Variants in CRYBG3 observed in about 807,000 individuals in gnomAD.
The protein encoded by CRYBG3 is very large A-kinase anchor protein.
A neutral mutation model predicts 244.2 loss-of-function variants in CRYBG3; 127 were observed. That is an observed-to-expected ratio of 0.52 (90% CI 0.45 to 0.60). The LOEUF (loss-of-function observed/expected upper bound fraction) is 0.60. Among genes scored for constraint, CRYBG3 ranks in the 20% least tolerant of loss-of-function variants. The pLI is 0.00. For missense variants in CRYBG3, 3,325 were observed against 3,442.5 expected, an observed-to-expected ratio of 0.97 and a Z score of 0.85; for synonymous variants, 1,132 against 1,195.8, an observed-to-expected ratio of 0.95 and a Z score of 1.10.
chr3:97,938,818 A>G (rs1028822080), intron 19 of CRYBG3, among the ~76,000 whole-genome samples: 4 of 151,936 alleles, frequency 2.6e-5, no homozygotes, highest in Non-Finnish European at 4.4e-5. Flanking sequence ...ATTATTCACA[A>G]TGTCCCTTGA....
At chr3:97,908,891 G>C (rs1195305306) in intron 15 of CRYBG3, among the ~76,000 whole-genome samples, 2 of 152,172 alleles carry the variant, frequency 1.3e-5, no homozygotes, top group Non-Finnish European at 1.5e-5. Flanking sequence ...GGTACTGGTT[G>C]TTCCTTTCCA....
intron 16 of CRYBG3, among the ~76,000 whole-genome samples, chr3:97,915,368 G>A (rs1348408113): frequency 6.6e-6 from 1 of 152,092 alleles, no homozygotes; most frequent in Non-Finnish European, 1.5e-5. Flanking sequence ...CTAACTCATA[G>A]AATTATTAAG....
chr3:97,939,762 T>G (rs1258770631), intron 19 of CRYBG3, among the ~76,000 whole-genome samples: 1 of 152,108 alleles, frequency 6.6e-6, no homozygotes, highest in Non-Finnish European at 1.5e-5. Context: ...TTAAGTACAC[T>G]ACTGTTGCAT....
intron 8 of CRYBG3, 62 bp from the exon 9 acceptor site, chr3:97,888,279 A>T: frequency 1.0e-6 from 1 of 994,222 alleles, no homozygotes; most frequent in Non-Finnish European, 1.5e-6. Context: ...AGCCCTTTTT[A>T]CTTACAGAAC....
intron 16 of CRYBG3, among the ~76,000 whole-genome samples, chr3:97,912,506 C>T (rs1409203969): frequency 6.6e-6 from 1 of 152,122 alleles, no homozygotes; most frequent in Non-Finnish European, 1.5e-5. Flanking sequence ...TGATTTTTGT[C>T]TCTCACTGTG....
At chr3:97,901,263 C>T (rs192151953) in intron 15 of CRYBG3, among the ~76,000 whole-genome samples, 41 of 152,196 alleles carry the variant, frequency 2.7e-4, no homozygotes, top group African/African-American at 7.0e-4. Context: ...GACATTGTTT[C>T]GTTTTATTTT....
Position 97,875,866 on chromosome 3 carries a change from AT to A in CRYBG3, c.4674del (p.Leu1559Ter). ...KTNKKDAELN[I>X]LKYEAVPPMI... is the part of the protein sequence containing the mutation. ...AAACAAAAAGGATGCTGAATTGAAT[AT>A]TCTGAAATATGAGGCAGTCCCTCCT... On this transcript the variant is annotated frameshift_variant, in exon 4 of 22. Transcript: ENST00000389622. LOFTEE classifies it high-confidence loss of function. The A allele has an allele frequency of 8.1e-7, 1 of 1,232,006 alleles. No homozygotes were observed. Among genetic ancestry groups the A allele is most frequent in the East Asian group, 3.2e-5 (1 of 31,694 alleles). The allele number at this position is 1,232,006 out of a possible 1,614,324, so 76.3% of individuals were successfully genotyped here. A position where few individuals can be genotyped will look rare whatever the true frequency, so the allele number is the denominator to read the frequency against.
intron 3 of CRYBG3, among the ~76,000 whole-genome samples, chr3:97,869,180 T>C (rs1163567979): frequency 6.6e-6 from 1 of 152,186 alleles, no homozygotes; most frequent in East Asian, 1.9e-4. Flanking sequence ...TATCCAACTT[T>C]TTTCTTTCAT....
In CRYBG3 at chr3:97,874,042, G is replaced by GA; in HGVS notation, c.2854dup (p.Ile952AsnfsTer3). Reference sequence around the variant, plus strand: ...TTGGATTTTACCACCTATTCATGATGAAAAAATCAGTAGGCAAATGGCGCA... The same window carrying GA: ...TTGGATTTTACCACCTATTCATGATGAAAAAAATCAGTAGGCAAATGGCGCA... On this transcript the variant is annotated frameshift_variant, in exon 4 of 22. Coordinates refer to ENST00000389622, the MANE Select transcript of CRYBG3 (RefSeq NM_153605.4). LOFTEE classifies it high-confidence loss of function. The GA allele has an allele frequency of 6.5e-7, 1 of 1,535,680 alleles. No individual in the cohort carries two copies. The highest frequency in any genetic ancestry group is 8.7e-7 in the Non-Finnish European group (1 of 1,146,792).
chr3:97,912,915 C>T (rs2039888513), intron 16 of CRYBG3, among the ~76,000 whole-genome samples: 1 of 152,110 alleles, frequency 6.6e-6, no homozygotes. Context: ...ACCATTTTAA[C>T]TATCTTTAAC....
At chr3:97,859,591 A>G (rs1316235131) in intron 2 of CRYBG3, among the ~76,000 whole-genome samples, 5 of 152,182 alleles carry the variant, frequency 3.3e-5, no homozygotes, top group Non-Finnish European at 4.4e-5. Context: ...CATTGAACCT[A>G]ACTGCTTTTT....
At position 97,892,834 on chromosome 3, in the gene CRYBG3, T is replaced by C. The variant is rs761955167; in HGVS notation, c.7441-26T>C. On this transcript the variant is annotated intron_variant, in intron 10 of 21. Coordinates refer to ENST00000389622, the MANE Select transcript of CRYBG3 (RefSeq NM_153605.4). ...AAGTAAATATGTGTCTATATTAAAA[T>C]ATAAACATGTTAAATAATTTTTCAG... 7 of 1,267,138 alleles carry C rather than the reference T, an allele frequency of 5.5e-6. No individual in the cohort carries two copies. In the Admixed American group the frequency reaches 9.7e-5, roughly 18 times the overall value. The allele number at this position is 1,267,138 out of a possible 1,614,324, so 78.5% of individuals were successfully genotyped here.
intron 18 of CRYBG3, among the ~76,000 whole-genome samples, chr3:97,936,070 A>G (rs2040160518): frequency 6.6e-6 from 1 of 152,070 alleles, no homozygotes; most frequent in South Asian, 2.1e-4. Flanking sequence ...AAAGGGCCAG[A>G]TAGTCTTTTC....
At chr3:97,824,354 G>A (rs1393619679) in intron 1 of CRYBG3, among the ~76,000 whole-genome samples, 1 of 151,890 alleles carries the variant, frequency 6.6e-6, no homozygotes, top group East Asian at 1.9e-4. Context: ...ATGAGAGCTG[G>A]GTATACCTTC....
rs548430249 is a variant in CRYBG3, at chr3:97,889,084, T to C, written c.7405-271T>C. Reference sequence around the variant, plus strand: ...GTCATGTGTACTCAAGGACTAAAGCTCAGTTTCCTTCCTCATAGTAGTTGT... The same window carrying C: ...GTCATGTGTACTCAAGGACTAAAGCCCAGTTTCCTTCCTCATAGTAGTTGT... On this transcript the variant is annotated intron_variant, in intron 9 of 21. Transcript: ENST00000389622. 2.0e-5 allele frequency among the ~76,000 whole-genome samples: 3 copies of C among 152,320 alleles called. No homozygotes were observed. In the South Asian group the frequency reaches 6.2e-4, roughly 32 times the overall value.
intron 19 of CRYBG3, among the ~76,000 whole-genome samples, chr3:97,940,044 T>C (rs1251379010): frequency 7.2e-5 from 11 of 152,068 alleles, no homozygotes; most frequent in Admixed American, 7.2e-4. Context: ...GAAAGTGCTC[T>C]CTTAAGAGAC....
At chr3:97,836,914 T>G (rs2038742208) in intron 1 of CRYBG3, 1 of 152,040 alleles carries the variant, frequency 6.6e-6, no homozygotes, top group South Asian at 2.1e-4. Flanking sequence ...GGTCTACCTG[T>G]TTTTTTTCCC....
Position 97,822,328 on chromosome 3 carries a change from C to A in CRYBG3, c.122C>A (p.Pro41His). 6.6e-7 allele frequency: 1 copy of A among 1,511,872 alleles called. No homozygotes were observed. Among genetic ancestry groups the A allele is most frequent in the Non-Finnish European group, 8.8e-7 (1 of 1,134,976 alleles). 93.7% of individuals were successfully genotyped at this position (1,511,872 alleles called of 1,614,324 possible). A position where few individuals can be genotyped will look rare whatever the true frequency, so the allele number is the denominator to read the frequency against. Residue 41 changes from proline (P) to histidine (H), a missense_variant, in exon 1 of 22, where the codon CCT becomes CAT. Physicochemically the swap from Pro to His is moderately conservative, Grantham distance 77. Transcript: ENST00000389622. ...EEEERPGTSP[P>H]PAPGRSAASV... is the part of the protein sequence containing the mutation. ...GAGGAGAGGCCGGGGACGAGCCCGC[C>A]TCCAGCTCCAGGCCGGTCCGCTGCC...
chr3:97,943,103 C>T (rs2040268001), intron 21 of CRYBG3, 123 bp from the exon 22 acceptor site: 1 of 618,810 alleles, frequency 1.6e-6, no homozygotes, highest in Admixed American at 3.1e-5. Context: ...CCATTTCAGA[C>T]TTCTTTGTAA....
Sources: gnomAD v4.1 joint callset for allele counts (sites outside exome capture counted in the v4.1 genomes callset) on GRCh38, gnomAD v4.1.1 for gene constraint, MANE v1.5 for transcripts, NCBI Gene and HGNC (gene_info 2026-07-23, HGNC 2026-07-21) for gene names.